Variants in TMEM45B observed in about 807,000 individuals in gnomAD.
TMEM45B encodes the protein transmembrane protein 45B.
In TMEM45B, 29 loss-of-function variants were observed where a neutral mutation model predicts 27.3. That is an observed-to-expected ratio of 1.06 (90% CI 0.79 to 1.45). The LOEUF is 1.45. Ranked by LOEUF, TMEM45B falls within the 40% of genes most tolerant of loss-of-function variation. The pLI, the probability that TMEM45B is intolerant of heterozygous loss-of-function variation, is 0.00. For synonymous variants in TMEM45B, 143 were observed against 134.7 expected (o/e 1.06, Z -0.43); for missense variants, 348 against 343.9 (o/e 1.01, Z -0.09).
At chr11:129,826,567 A>AAGAAAAAAGAAAAAT (rs1555069266) in intron 1 of TMEM45B, among the ~76,000 whole-genome samples, 1 of 96,126 alleles carries the variant, frequency 1.0e-5, no homozygotes, top group African/African-American at 3.8e-5. Context: ...AAAAAAAAAA[A>AAGAAAAAAGAAAAAT]AGGACCCTGA....
chr11:129,821,480 A>C (rs1947419379), intron 1 of TMEM45B, among the ~76,000 whole-genome samples: 1 of 152,048 alleles, frequency 6.6e-6, no homozygotes, highest in South Asian at 2.1e-4. Flanking sequence ...ATGTACTTTC[A>C]TACCCAATTA....
At chr11:129,850,828 T>A (rs1565372226) in intron 1 of TMEM45B, among the ~76,000 whole-genome samples, 1 of 152,174 alleles carries the variant, frequency 6.6e-6, no homozygotes, top group African/African-American at 2.4e-5. Context: ...ACCAGAATCA[T>A]CCTTAGTGCT....
intron 1 of TMEM45B, among the ~76,000 whole-genome samples, chr11:129,825,458 T>C (rs1377674565): frequency 1.3e-5 from 2 of 151,744 alleles, no homozygotes; most frequent in Non-Finnish European, 3.0e-5. Context: ...CTAAGAAACA[T>C]CTATACGTTT....
chr11:129,850,149 G>GTTT (rs775617921), intron 1 of TMEM45B, among the ~76,000 whole-genome samples: 27 of 142,508 alleles, frequency 1.9e-4, no homozygotes, highest in African/African-American at 7.0e-4. Context: ...CTTTTCTCAC[G>GTTT]TTTTTTTTTT....
At chr11:129,856,836 G>A (rs1947934200) in intron 4 of TMEM45B, among the ~76,000 whole-genome samples, 5 of 149,452 alleles carry the variant, frequency 3.3e-5, no homozygotes. Flanking sequence ...TAGGATTACA[G>A]GCATGAGCCA....
intron 1 of TMEM45B, among the ~76,000 whole-genome samples, chr11:129,816,482 T>A (rs981332390): frequency 6.6e-6 from 1 of 151,582 alleles, no homozygotes; most frequent in Non-Finnish European, 1.5e-5. Flanking sequence ...GTGGATAAAG[T>A]CCCCCGAGCC....
chr11:129,842,192 T>A (rs1307034637), intron 1 of TMEM45B, among the ~76,000 whole-genome samples: 1 of 152,054 alleles, frequency 6.6e-6, no homozygotes, highest in Non-Finnish European at 1.5e-5. Flanking sequence ...ATGCTCAATG[T>A]CCCCACATAC....
chr11:129,816,307 C>T (rs1947350488), intron 1 of TMEM45B, among the ~76,000 whole-genome samples: 1 of 152,134 alleles, frequency 6.6e-6, no homozygotes, highest in South Asian at 2.1e-4. Flanking sequence ...TCCGGGGACG[C>T]GCGCCCCCGG....
At position 129,825,120 on chromosome 11, in the gene TMEM45B, G is replaced by C. The variant is rs562946183; in HGVS notation, c.-9+9222G>C. Among the ~76,000 whole-genome samples, 5 of 150,402 alleles carry C rather than the reference G, an allele frequency of 3.3e-5. No individual in the cohort carries two copies. In the East Asian group the frequency reaches 9.7e-4, roughly 29 times the overall value. On this transcript the variant is annotated intron_variant, in intron 1 of 5. Transcript: ENST00000281441. ...CACGGAAGGTGGATGACTGGCTGCG[G>C]GGTGGAAGAAGAATTCATGGACAGC...
intron 1 of TMEM45B, 131 bp downstream of exon 1, chr11:129,816,029 C>A: frequency 8.3e-7 from 1 of 1,211,482 alleles, no homozygotes. Flanking sequence ...GGAGGGGACG[C>A]GGACAGGGAG....
In TMEM45B at chr11:129,854,751, A is replaced by G. The variant is rs1947897360; in HGVS notation, c.320A>G (p.Tyr107Cys). 1.9e-6 allele frequency: 3 copies of G among 1,614,198 alleles called. No individual in the cohort carries two copies. The African/African-American group carries it at 4.0e-5, about 22-fold the overall frequency. The change falls in exon 3 of 6, where the codon TAT becomes TGT. Residue 107 changes from tyrosine to cysteine, a missense_variant. Coordinates refer to ENST00000281441, the MANE Select transcript of TMEM45B (RefSeq NM_138788.5). ...TCAGGAATTGTTGACATGCTCACCTATCTGGTCAGCCACGTTCCCTTGGGG... is the reference window on the plus strand; with the variant it reads ...TCAGGAATTGTTGACATGCTCACCTGTCTGGTCAGCCACGTTCCCTTGGGG... ...AVSGIVDMLT[Y>C]LVSHVPLGVD...
intron 1 of TMEM45B, among the ~76,000 whole-genome samples, chr11:129,841,875 G>C (rs1227315617): frequency 6.6e-6 from 1 of 152,128 alleles, no homozygotes; most frequent in Non-Finnish European, 1.5e-5. Flanking sequence ...TGGGATTACA[G>C]GCATGAGCCA....
intron 1 of TMEM45B, among the ~76,000 whole-genome samples, chr11:129,830,733 G>A (rs180781041): frequency 2.0e-5 from 3 of 152,260 alleles, no homozygotes; most frequent in Non-Finnish European, 2.9e-5. Context: ...TAATCATTAC[G>A]GAAACAAAAC....
At chr11:129,824,345 A>AC (rs1219504548) in intron 1 of TMEM45B, among the ~76,000 whole-genome samples, 1 of 152,064 alleles carries the variant, frequency 6.6e-6, no homozygotes, top group Non-Finnish European at 1.5e-5. Context: ...AATATATGCT[A>AC]CCCCACAATA....
rs1353586137 is a variant in TMEM45B at position 129,858,831 on chromosome 11, A to G, written c.*146A>G. ...TCAACACAGGGCTGGAGGTTCTACA[A>G]CAGGAAATCAGGCCTACAGCATCCT... On this transcript the variant is annotated 3_prime_UTR_variant, in exon 6 of 6. Transcript: ENST00000281441. The G allele has an allele frequency of 3.6e-6, 2 of 556,974 alleles. No individual in the cohort carries two copies. Among genetic ancestry groups the G allele is most frequent in the Admixed American group, 3.4e-5 (1 of 29,494 alleles). The allele number at this position is 556,974 out of a possible 1,614,324, so 34.5% of individuals were successfully genotyped here.
chr11:129,831,923 A>G (rs571929996), intron 1 of TMEM45B, among the ~76,000 whole-genome samples: 17 of 152,214 alleles, frequency 1.1e-4, no homozygotes, highest in African/African-American at 3.6e-4. Flanking sequence ...AAAATTAGCC[A>G]GGCATACTGG....
intron 5 of TMEM45B, among the ~76,000 whole-genome samples, chr11:129,857,858 G>A (rs1166465553): frequency 3.3e-5 from 5 of 152,034 alleles, no homozygotes; most frequent in African/African-American, 1.2e-4. Flanking sequence ...AAATAAACCA[G>A]AGCAGAATGT....
chr11:129,855,757 C>A lies in TMEM45B; in HGVS notation c.435C>A (p.His145Gln). Reference sequence around the variant, plus strand: ...ACAACCGGCCTCCGCTGGACCAGCACATCCACTCACTCCTGCTGTATGCTC... The same window carrying A: ...ACAACCGGCCTCCGCTGGACCAGCAAATCCACTCACTCCTGCTGTATGCTC... Reference protein sequence around the residue: ...HVHNRPPLDQHIHSLLLYALF... With the variant: ...HVHNRPPLDQQIHSLLLYALF... The change falls in exon 4 of 6, where the codon CAC (histidine) becomes CAA (glutamine). Residue 145 changes from histidine to glutamine, a missense_variant. Transcript: ENST00000281441. The A allele has an allele frequency of 6.2e-7, 1 of 1,614,198 alleles. No homozygotes were observed. Among genetic ancestry groups the A allele is most frequent in the Non-Finnish European group, 8.5e-7 (1 of 1,180,040 alleles).
chr11:129,827,588 G>A (rs1277617462), intron 1 of TMEM45B, among the ~76,000 whole-genome samples: 1 of 152,160 alleles, frequency 6.6e-6, no homozygotes, highest in African/African-American at 2.4e-5. Flanking sequence ...CAGATCACGT[G>A]AGGTCGGGAG....
Sources: gnomAD v4.1 joint callset for allele counts (sites outside exome capture counted in the v4.1 genomes callset) on GRCh38, gnomAD v4.1.1 for gene constraint, MANE v1.5 for transcripts, NCBI Gene and HGNC (gene_info 2026-07-23, HGNC 2026-07-21) for gene names.